The following N4BP2 variants were observed in gnomAD, a reference collection of about 807,000 sequenced individuals.
The protein encoded by N4BP2 is NEDD4-binding protein 2.
A neutral mutation model predicts 152.8 loss-of-function variants in N4BP2; 91 were observed. The ratio of observed to expected loss-of-function variants is 0.60; its 90% CI spans 0.50 to 0.71. N4BP2 has a LOEUF of 0.71. Ranked by LOEUF, N4BP2 falls within the 30% of genes least tolerant of loss-of-function variation. The pLI, the probability that N4BP2 is intolerant of heterozygous loss-of-function variation, is 0.00. For missense variants in N4BP2, 1,923 were observed against 2,059.1 expected (o/e 0.93, Z 1.28); for synonymous variants, 646 against 705.3 (o/e 0.92, Z 1.33).
chr4:40,138,047 G>A (rs1259230842), intron 14 of N4BP2, among the ~76,000 whole-genome samples: 1 of 152,188 alleles, frequency 6.6e-6, no homozygotes, highest in African/African-American at 2.4e-5. Context: ...AATGGATGGA[G>A]ATGAGGGGGC....
At chr4:40,171,736 G>A in the N4BP2 span, among the ~76,000 whole-genome samples, 1 of 152,142 alleles carries the variant, frequency 6.6e-6, no homozygotes, top group African/African-American at 2.4e-5. Flanking sequence ...GCAGGCTGAG[G>A]AACAAGGAAG....
At chr4:40,110,998 A>G (rs1716826346) in intron 5 of N4BP2, among the ~76,000 whole-genome samples, 1 of 152,226 alleles carries the variant, frequency 6.6e-6, no homozygotes, top group Non-Finnish European at 1.5e-5. Flanking sequence ...AAGAAAGGTA[A>G]GAAAATCCCT....
At chr4:40,132,268 G>A (rs1718973127) in intron 13 of N4BP2, among the ~76,000 whole-genome samples, 1 of 151,964 alleles carries the variant, frequency 6.6e-6, no homozygotes, top group Admixed American at 6.6e-5. Flanking sequence ...AAATACAGTT[G>A]TCCTTCAGTA....
intron 14 of N4BP2, among the ~76,000 whole-genome samples, chr4:40,138,912 G>T (rs1264037779): frequency 6.6e-6 from 1 of 152,106 alleles, no homozygotes; most frequent in Non-Finnish European, 1.5e-5. Context: ...CTATTCTGGT[G>T]CCCTTGGATT....
intron 16 of N4BP2, among the ~76,000 whole-genome samples, chr4:40,152,459 T>C (rs1316080538): frequency 6.6e-6 from 1 of 152,236 alleles, no homozygotes; most frequent in Non-Finnish European, 1.5e-5. Flanking sequence ...GTATCATTAA[T>C]GGTATTATTG....
Position 40,120,659 on chromosome 4 carries a change from G to A in N4BP2, c.2548G>A (p.Asp850Asn). The change falls in exon 9 of 18, where the codon GAT becomes AAT. Residue 850 changes from aspartate (D) to asparagine (N), a missense_variant. Asp to Asn is a conservative substitution (Grantham distance 23). Transcript: ENST00000261435. Reference protein sequence around the residue: ...QRGSPHESVEDGRKSQCDDAS... With the variant: ...QRGSPHESVENGRKSQCDDAS... ...AGGATCTCCACATGAAAGTGTAGAG[G>A]ATGGCAGAAAGTCACAGTGTGATGA... The A allele has an allele frequency of 1.2e-6, 2 of 1,614,108 alleles. No homozygotes were observed. Among genetic ancestry groups the A allele is most frequent in the Non-Finnish European group, 1.7e-6 (2 of 1,179,972 alleles).
At chr4:40,171,556 C>T in the N4BP2 span, among the ~76,000 whole-genome samples, 12 of 152,220 alleles carry the variant, frequency 7.9e-5, no homozygotes, top group African/African-American at 2.9e-4. Context: ...ACCCCCAGTA[C>T]TCCTGAATGT....
At chr4:40,085,218 AT>A in intron 2 of N4BP2, among the ~76,000 whole-genome samples, 1 of 151,386 alleles carries the variant, frequency 6.6e-6, no homozygotes, top group Admixed American at 6.6e-5. Context: ...GCCAATTTAT[AT>A]TTTTAGTAGA....
intron 3 of N4BP2, among the ~76,000 whole-genome samples, chr4:40,100,879 C>G (rs946723186): frequency 3.3e-5 from 5 of 152,202 alleles, no homozygotes; most frequent in African/African-American, 1.2e-4. Flanking sequence ...GTGTATAAAA[C>G]TTCTAGCTCA....
At chr4:40,063,652 A>T (rs997524624) in intron 1 of N4BP2, among the ~76,000 whole-genome samples, 3 of 151,952 alleles carry the variant, frequency 2.0e-5, no homozygotes, top group East Asian at 3.8e-4. Flanking sequence ...TTAATTAATT[A>T]ATTTTTTTGA....
chr4:40,110,303 T>A (rs1483956732), intron 5 of N4BP2, among the ~76,000 whole-genome samples: 1 of 152,218 alleles, frequency 6.6e-6, no homozygotes, highest in Admixed American at 6.5e-5. Flanking sequence ...ATGTCTAACC[T>A]TTTTAGGAAC....
chr4:40,075,545 A>T (rs551877418), intron 2 of N4BP2, among the ~76,000 whole-genome samples: 2 of 151,958 alleles, frequency 1.3e-5, no homozygotes, highest in Non-Finnish European at 2.9e-5. Context: ...CTACAGGTGC[A>T]TGCCACCATG....
chr4:40,133,345 CT>C (rs1287995268), intron 13 of N4BP2, among the ~76,000 whole-genome samples: 1 of 151,644 alleles, frequency 6.6e-6, no homozygotes, highest in African/African-American at 2.4e-5. Context: ...TTTCTTTCTC[CT>C]TTTTTTTGAA....
At chr4:40,060,266 A>G (rs1733555057) in intron 1 of N4BP2, among the ~76,000 whole-genome samples, 2 of 151,990 alleles carry the variant, frequency 1.3e-5, no homozygotes, top group South Asian at 2.1e-4. Context: ...TTTTTTTGAG[A>G]TGGAGTCTCA....
Position 40,121,522 on chromosome 4 carries a change from G to A in N4BP2, c.3411G>A (p.Glu1137=), listed in dbSNP as rs1717908122. 6.2e-7 allele frequency: 1 copy of A among 1,614,154 alleles called. No individual in the cohort carries two copies. The highest frequency in any genetic ancestry group is 1.6e-4 in the Middle Eastern group (1 of 6,062). ...DSETKLCEDT[E]FENFQKSCDG... ...AAACTAAGTTATGTGAGGATACAGAGTTTGAGAATTTCCAAAAATCGTGTG... is the reference window on the plus strand; with the variant it reads ...AAACTAAGTTATGTGAGGATACAGAATTTGAGAATTTCCAAAAATCGTGTG... The change falls in exon 9 of 18, where the codon GAG becomes GAA. Residue 1137 remains glutamate, a synonymous_variant. Transcript: ENST00000261435.
chr4:40,081,412 G>A (rs1713354291), intron 2 of N4BP2, among the ~76,000 whole-genome samples: 1 of 151,976 alleles, frequency 6.6e-6, no homozygotes, highest in African/African-American at 2.4e-5. Flanking sequence ...TTGGGAGGCC[G>A]AGGTGGGCGG....
At position 40,120,925 on chromosome 4, in the gene N4BP2, A is replaced by G. The variant is rs368683631; in HGVS notation, c.2814A>G (p.Leu938=). 15 of 1,614,018 alleles carry G rather than the reference A, an allele frequency of 9.3e-6. No homozygotes were observed. The highest frequency in any genetic ancestry group is 8.9e-5 in the East Asian group (4 of 44,892). ...EACWGTSSQK[L]KTLGSSNLGS... Reference sequence around the variant, plus strand: ...GTTGGGGCACAAGCTCTCAAAAACTAAAGACATTGGGTAGCTCCAATCTAG... The same window carrying G: ...GTTGGGGCACAAGCTCTCAAAAACTGAAGACATTGGGTAGCTCCAATCTAG... Residue 938 remains leucine (L), a synonymous_variant, in exon 9 of 18, where the codon CTA becomes CTG. Coordinates refer to ENST00000261435, the MANE Select transcript of N4BP2 (RefSeq NM_018177.6).
chr4:40,084,442 T>TG (rs1713714961), intron 2 of N4BP2, among the ~76,000 whole-genome samples: 1 of 150,824 alleles, frequency 6.6e-6, no homozygotes, highest in South Asian at 2.1e-4. Flanking sequence ...AGATTTTTTT[T>TG]TTTTTTCCTC....
chr4:40,185,753 G>A, the N4BP2 span, among the ~76,000 whole-genome samples: 2 of 152,042 alleles, frequency 1.3e-5, no homozygotes, highest in Non-Finnish European at 2.9e-5. Context: ...ACTCATTTAG[G>A]AGAAATTACA....
Sources: gnomAD v4.1 joint callset for allele counts (sites outside exome capture counted in the v4.1 genomes callset) on GRCh38, gnomAD v4.1.1 for gene constraint, MANE v1.5 for transcripts, NCBI Gene and HGNC (gene_info 2026-07-23, HGNC 2026-07-21) for gene names.